TMC1: variants seen among roughly 807,000 people sequenced by gnomAD.
TMC1 encodes the protein transmembrane channel like 1.
TMC1 carries 84 observed loss-of-function variants against 105.8 expected under a neutral mutation model. That is an observed-to-expected ratio of 0.79 (90% CI 0.67 to 0.95). The LOEUF is 0.95. Ranked by LOEUF, TMC1 falls within the 40% of genes least tolerant of loss-of-function variation. TMC1 has a pLI of 0.00. For synonymous variants in TMC1, 315 were observed against 311.5 expected (o/e 1.01, Z -0.12); for missense variants, 817 against 914.1 (o/e 0.89, Z 1.37).
intron 5 of TMC1, among the ~76,000 whole-genome samples, chr9:72,661,577 A>G (rs1825970371): frequency 6.6e-6 from 1 of 152,018 alleles, no homozygotes; most frequent in Admixed American, 6.5e-5. Flanking sequence ...TCTCCCTTTC[A>G]TACTTCTGTG....
intron 13 of TMC1, among the ~76,000 whole-genome samples, chr9:72,774,284 C>A (rs1420834256): frequency 6.6e-6 from 1 of 152,034 alleles, no homozygotes; most frequent in Non-Finnish European, 1.5e-5. Flanking sequence ...TTCTAGTAGT[C>A]ATTAAATAAA....
intron 8 of TMC1, among the ~76,000 whole-genome samples, chr9:72,701,549 TAA>T: frequency 6.6e-6 from 1 of 152,308 alleles, no homozygotes; most frequent in East Asian, 1.9e-4. Flanking sequence ...TAGTAAGTTT[TAA>T]AAACTATCCC....
intron 13 of TMC1, among the ~76,000 whole-genome samples, chr9:72,776,276 A>T (rs1473594339): frequency 6.6e-6 from 1 of 151,862 alleles, no homozygotes; most frequent in Admixed American, 6.6e-5. Flanking sequence ...TAAACTACAT[A>T]TATCACAAAC....
At chr9:72,759,126 A>G (rs1227929098) in intron 12 of TMC1, among the ~76,000 whole-genome samples, 1 of 152,146 alleles carries the variant, frequency 6.6e-6, no homozygotes, top group African/African-American at 2.4e-5. Flanking sequence ...AAGTGGGGTT[A>G]TTAGAATCTA....
chr9:72,739,072 G>A (rs1659138501), intron 8 of TMC1, among the ~76,000 whole-genome samples: 1 of 152,184 alleles, frequency 6.6e-6, no homozygotes, highest in Non-Finnish European at 1.5e-5. Context: ...GCCATAGACC[G>A]GGTGGCTTAA....
At chr9:72,541,135 C>A (rs535216075) in intron 1 of TMC1, among the ~76,000 whole-genome samples, 10 of 152,220 alleles carry the variant, frequency 6.6e-5, no homozygotes, top group African/African-American at 2.4e-4. Context: ...TCTTTGATTT[C>A]TCTTGCCCAC....
intron 5 of TMC1, among the ~76,000 whole-genome samples, chr9:72,674,576 C>CT (rs1430647666): frequency 6.6e-6 from 1 of 152,204 alleles, no homozygotes; most frequent in African/African-American, 2.4e-5. Context: ...CACTTGGAAG[C>CT]TTTTTAGAAA....
intron 7 of TMC1, among the ~76,000 whole-genome samples, chr9:72,697,819 T>G (rs1002601580): frequency 6.6e-6 from 1 of 152,160 alleles, no homozygotes; most frequent in African/African-American, 2.4e-5. Context: ...GCAATTAAAT[T>G]ATTAATCATA....
At chr9:72,675,996 C>T (rs755763804) in intron 5 of TMC1, among the ~76,000 whole-genome samples, 1 of 152,068 alleles carries the variant, frequency 6.6e-6, no homozygotes, top group African/African-American at 2.4e-5. Context: ...GACTGCTGGT[C>T]CTTTGTTTAT....
intron 8 of TMC1, among the ~76,000 whole-genome samples, chr9:72,718,558 T>A (rs1300304379): frequency 6.6e-6 from 1 of 152,186 alleles, no homozygotes; most frequent in Non-Finnish European, 1.5e-5. Flanking sequence ...ATGTGAACCA[T>A]CTTTAGGTCT....
At chr9:72,639,760 A>AATT (rs1309452859) in intron 4 of TMC1, among the ~76,000 whole-genome samples, 1 of 152,210 alleles carries the variant, frequency 6.6e-6, no homozygotes, top group Non-Finnish European at 1.5e-5. Flanking sequence ...ATTAAATAAG[A>AATT]AGGACTGCAA....
rs1828298348 is a variant in TMC1 at position 72,792,879 on chromosome 9, C to T, written c.1566+527C>T. 2.0e-5 allele frequency among the ~76,000 whole-genome samples: 3 copies of T among 152,222 alleles called. No homozygotes were observed. In the South Asian group the frequency reaches 6.2e-4, roughly 32 times the overall value. Reference sequence around the variant, plus strand: ...TCCAGGTACATGCATTGGATCTAATCAAGGAAACAACTTGACCCATGGAGA... The same window carrying T: ...TCCAGGTACATGCATTGGATCTAATTAAGGAAACAACTTGACCCATGGAGA... On this transcript the variant is annotated intron_variant, in intron 17 of 23. Coordinates refer to ENST00000297784, the MANE Select transcript of TMC1 (RefSeq NM_138691.3).
chr9:72,783,583 C>T (rs1418447392), intron 13 of TMC1, among the ~76,000 whole-genome samples: 1 of 152,184 alleles, frequency 6.6e-6, no homozygotes, highest in East Asian at 1.9e-4. Flanking sequence ...ACTGACTCAA[C>T]TGTCAGTCTC....
At chr9:72,655,382 T>C (rs905854798) in intron 5 of TMC1, among the ~76,000 whole-genome samples, 2 of 152,178 alleles carry the variant, frequency 1.3e-5, no homozygotes, top group African/African-American at 4.8e-5. Flanking sequence ...TTTTTTCCCT[T>C]CAGTGCTTTA....
At chr9:72,536,125 T>C (rs1026887906) in intron 1 of TMC1, among the ~76,000 whole-genome samples, 3 of 152,208 alleles carry the variant, frequency 2.0e-5, no homozygotes, top group Admixed American at 2.0e-4. Flanking sequence ...TGTTCCAGCA[T>C]AAACTCAAAA....
At chr9:72,644,274 A>C (rs1825674507) in intron 4 of TMC1, among the ~76,000 whole-genome samples, 1 of 151,860 alleles carries the variant, frequency 6.6e-6, no homozygotes, top group Non-Finnish European at 1.5e-5. Context: ...TAATTTTATA[A>C]AGTTCACTTT....
intron 1 of TMC1, among the ~76,000 whole-genome samples, chr9:72,530,556 C>T (rs1823482431): frequency 6.6e-6 from 1 of 151,046 alleles, no homozygotes; most frequent in South Asian, 2.1e-4. Context: ...TGCCACTGCA[C>T]TCCAGCCTGG....
intron 8 of TMC1, among the ~76,000 whole-genome samples, chr9:72,733,891 C>T (rs935286067): frequency 1.7e-4 from 26 of 152,030 alleles, no homozygotes; most frequent in African/African-American, 6.3e-4. Flanking sequence ...CCCTTATTCA[C>T]TTAAAGGAGG....
intron 2 of TMC1, among the ~76,000 whole-genome samples, chr9:72,594,625 TTTAAC>T (rs1321859380): frequency 8.5e-5 from 13 of 152,170 alleles, no homozygotes; most frequent in Middle Eastern, 3.2e-3. Context: ...AATCAGACTT[TTTAAC>T]TTTGAATTAG....
Sources: allele counts gnomAD v4.1 joint callset (sites outside exome capture counted in the v4.1 genomes callset), GRCh38; gene constraint gnomAD v4.1.1; transcripts MANE v1.5; gene names NCBI Gene and HGNC (gene_info 2026-07-23, HGNC 2026-07-21).